The following ENOX1 variants were observed in gnomAD, a reference collection of about 807,000 sequenced individuals.
The protein encoded by ENOX1 is candidate growth-related and time keeping constitutive hydroquinone (NADH) oxidase.
ENOX1 carries 42 observed loss-of-function variants against 82.5 expected under a neutral mutation model. The observed-to-expected ratio is 0.51, with a 90% CI of 0.40 to 0.66. The LOEUF is 0.66. Among genes scored for constraint, ENOX1 ranks in the 30% least tolerant of loss-of-function variants. The pLI is 0.00. For synonymous variants in ENOX1, 271 were observed against 282.2 expected (o/e 0.96, Z 0.40); for missense variants, 608 against 811.6 (o/e 0.75, Z 3.05).
chr13:43,313,661 G>A (rs1436915159), intron 11 of ENOX1, among the ~76,000 whole-genome samples: 1 of 152,092 alleles, frequency 6.6e-6, no homozygotes, highest in Admixed American at 6.6e-5. Context: ...TATCCTCACA[G>A]ATTTTCCCCT....
At chr13:43,720,353 T>C (rs933642005) in intron 1 of ENOX1, among the ~76,000 whole-genome samples, 3 of 152,228 alleles carry the variant, frequency 2.0e-5, no homozygotes, top group African/African-American at 7.2e-5. Context: ...TTTTCCTTCA[T>C]ACGGAAGCCC....
chr13:43,426,914 C>T (rs930964949), intron 3 of ENOX1, among the ~76,000 whole-genome samples: 1 of 152,180 alleles, frequency 6.6e-6, no homozygotes, highest in Non-Finnish European at 1.5e-5. Context: ...CCAGACTTCT[C>T]ACTGTATGAC....
At chr13:43,266,934 CA>C (rs1380675411) in intron 13 of ENOX1, among the ~76,000 whole-genome samples, 1 of 152,238 alleles carries the variant, frequency 6.6e-6, no homozygotes, top group East Asian at 1.9e-4. Flanking sequence ...ACGTGTTTAC[CA>C]ACATAAATGT....
At chr13:43,763,066 A>C (rs1208309542) in intron 1 of ENOX1, among the ~76,000 whole-genome samples, 1 of 152,224 alleles carries the variant, frequency 6.6e-6, no homozygotes, top group Admixed American at 6.5e-5. Context: ...AAATCTTAGA[A>C]AATAATTTTA....
intron 2 of ENOX1, among the ~76,000 whole-genome samples, chr13:43,636,250 C>T (rs1436205286): frequency 1.3e-5 from 2 of 152,160 alleles, no homozygotes; most frequent in African/African-American, 4.8e-5. Flanking sequence ...AAAGGGCCTC[C>T]TGTTATTGGT....
rs538985097 is a variant in ENOX1 at position 43,587,957 on chromosome 13, A to AT, written c.-219+79521_-219+79522insA. Among the ~76,000 whole-genome samples the AT allele has an allele frequency of 1.5e-4, 23 of 151,764 alleles. 1 individual carries two copies. In the South Asian group the frequency reaches 4.6e-3, roughly 30 times the overall value. Reference sequence around the variant, plus strand: ...GAATTCTCTTTGCATTTTCCAAAAAAAAAAATCTATAACAGGAAAGACAGT... The same window carrying AT: ...GAATTCTCTTTGCATTTTCCAAAAAATAAAAATCTATAACAGGAAAGACAGT... On this transcript the variant is annotated intron_variant, in intron 2 of 16. Coordinates refer to ENST00000690772, the MANE Select transcript of ENOX1 (RefSeq NM_001347969.2).
intron 2 of ENOX1, among the ~76,000 whole-genome samples, chr13:43,501,111 G>T (rs532824515): frequency 1.3e-5 from 2 of 151,660 alleles, no homozygotes; most frequent in Non-Finnish European, 3.0e-5. Flanking sequence ...ACTATGTGTT[G>T]TCTACAAGAG....
Position 43,213,524 on chromosome 13 carries a change from C to CTTTTT in ENOX1, c.*461_*465dup, listed in dbSNP as rs1261954672. On this transcript the variant is annotated 3_prime_UTR_variant, in exon 17 of 17. Transcript: ENST00000690772. ...CTCACTGTAAAACTTTTTCTTTTTTCTTTTTTTCTTTTTCTTTTTCTTTTT... is the reference window on the plus strand; with the variant it reads ...CTCACTGTAAAACTTTTTCTTTTTTCTTTTTTTTTTTTCTTTTTCTTTTTCTTTTT... 5 of 83,352 alleles carry CTTTTT rather than the reference C, an allele frequency of 6.0e-5. No homozygotes were observed. The highest frequency in any genetic ancestry group is 1.3e-4 in the Non-Finnish European group (5 of 37,782). 5.2% of individuals were successfully genotyped at this position (83,352 alleles called of 1,614,324 possible). A position where few individuals can be genotyped will look rare whatever the true frequency, so the allele number is the denominator to read the frequency against.
chr13:43,673,334 C>T (rs772214820), intron 1 of ENOX1, among the ~76,000 whole-genome samples: 2 of 152,148 alleles, frequency 1.3e-5, no homozygotes, highest in African/African-American at 4.8e-5. Flanking sequence ...CTGACACATA[C>T]GACTCACCCA....
intron 2 of ENOX1, among the ~76,000 whole-genome samples, chr13:43,487,747 C>T (rs1298253468): frequency 1.3e-5 from 2 of 152,092 alleles, no homozygotes; most frequent in Admixed American, 1.3e-4. Context: ...TGGACAGAAA[C>T]CACACACCCT....
intron 8 of ENOX1, among the ~76,000 whole-genome samples, chr13:43,346,321 G>A (rs1235400537): frequency 3.3e-5 from 5 of 152,126 alleles, no homozygotes; most frequent in Non-Finnish European, 2.9e-5. Flanking sequence ...TTTTAGGGAT[G>A]TACCCATGCT....
intron 3 of ENOX1, among the ~76,000 whole-genome samples, chr13:43,460,860 TA>T (rs1355313664): frequency 8.2e-6 from 1 of 121,252 alleles, no homozygotes; most frequent in African/African-American, 3.3e-5. Flanking sequence ...ACCAAGGGAG[TA>T]GGTCGCCTTG....
At position 43,637,406 on chromosome 13, in the gene ENOX1, A is replaced by G. The variant is rs1436032813; in HGVS notation, c.-219+30073T>C. ...AACCGGGAAGCCATGACTTAAGGAGAGCAGCCTATCTGCCACAGATGATAC... is the reference window on the plus strand; with the variant it reads ...AACCGGGAAGCCATGACTTAAGGAGGGCAGCCTATCTGCCACAGATGATAC... On this transcript the variant is annotated intron_variant, in intron 2 of 16. Transcript: ENST00000690772. Among the ~76,000 whole-genome samples the G allele has an allele frequency of 3.9e-5, 6 of 152,276 alleles. 1 individual carries two copies. The highest frequency in any genetic ancestry group is 1.4e-4 in the African/African-American group (6 of 41,566).
chr13:43,577,490 AAGATG>A (rs1321756300), intron 2 of ENOX1, among the ~76,000 whole-genome samples: 1 of 152,194 alleles, frequency 6.6e-6, no homozygotes, highest in East Asian at 1.9e-4. Context: ...CTCCACTTCC[AAGATG>A]GCACCTTATG....
intron 14 of ENOX1, among the ~76,000 whole-genome samples, chr13:43,240,984 A>T (rs1341616554): frequency 6.6e-6 from 1 of 152,196 alleles, no homozygotes; most frequent in Non-Finnish European, 1.5e-5. Flanking sequence ...CTCTACGGAG[A>T]TACTGAGGTT....
intron 5 of ENOX1, among the ~76,000 whole-genome samples, chr13:43,365,317 G>A (rs2050779701): frequency 6.6e-6 from 1 of 152,214 alleles, no homozygotes; most frequent in African/African-American, 2.4e-5. Context: ...GAGAGAAGTT[G>A]TCAGTACTAG....
intron 1 of ENOX1, among the ~76,000 whole-genome samples, chr13:43,678,985 A>G (rs2085650596): frequency 6.6e-6 from 1 of 152,152 alleles, no homozygotes; most frequent in African/African-American, 2.4e-5. Flanking sequence ...TATGCATAGC[A>G]GGTGTTCAAT....
At chr13:43,360,905 C>A (rs568908837) in intron 6 of ENOX1, among the ~76,000 whole-genome samples, 1 of 152,282 alleles carries the variant, frequency 6.6e-6, no homozygotes, top group East Asian at 1.9e-4. Flanking sequence ...AAATTAATTC[C>A]ATTTTCCATC....
chr13:43,302,074 G>A (rs1197381726), intron 11 of ENOX1, among the ~76,000 whole-genome samples: 1 of 150,466 alleles, frequency 6.6e-6, no homozygotes, highest in African/African-American at 2.5e-5. Flanking sequence ...TTATGAGACT[G>A]CACAATGAAT....
Sources: gnomAD v4.1 joint callset for allele counts (sites outside exome capture counted in the v4.1 genomes callset) on GRCh38, gnomAD v4.1.1 for gene constraint, MANE v1.5 for transcripts, NCBI Gene and HGNC (gene_info 2026-07-23, HGNC 2026-07-21) for gene names.